Variants in NCOR2 observed in about 807,000 individuals in gnomAD.
NCOR2 encodes the protein nuclear receptor corepressor 2, also known as CTG repeat protein 26.
A neutral mutation model predicts 262.9 loss-of-function variants in NCOR2; 81 were observed. The ratio of observed to expected loss-of-function variants is 0.31; its 90% CI spans 0.26 to 0.37. The LOEUF is 0.37. Ranked by LOEUF, NCOR2 falls within the 10% of genes least tolerant of loss-of-function variation. NCOR2 has a pLI of 1.00. For synonymous variants in NCOR2, 1,659 were observed against 1,559.3 expected (o/e 1.06, Z -1.51); for missense variants, 3,385 against 3,621.4 (o/e 0.93, Z 1.68).
At position 124,390,478 on chromosome 12, in the gene NCOR2, AC is replaced by A. The variant is rs34149760; in HGVS notation, c.1877-4592del. On this transcript the variant is annotated intron_variant, in intron 16 of 46. Coordinates refer to ENST00000405201, the Ensembl canonical transcript of NCOR2. ...CTTCCTTGCCCGCCCCTCCAAAGTG[AC>A]CCCCCCCCGTCGCCCTGCCATCCCA... Among the ~76,000 whole-genome samples the A allele has an allele frequency of 1.9e-3, 227 of 121,160 alleles. 3 individuals are homozygous for A. Among genetic ancestry groups the A allele is most frequent in the Middle Eastern group, 0.011 (3 of 264 alleles). 79.5% of individuals were successfully genotyped at this position (121,160 alleles called of 152,430 possible). A position where few individuals can be genotyped will look rare whatever the true frequency, so the allele number is the denominator to read the frequency against.
At position 124,531,768 on chromosome 12, in the gene NCOR2, T is replaced by C; in HGVS notation, c.-118+3797A>G. Reference sequence around the variant, plus strand: ...CCCACCGGGCCAGGGCCCTAAAACCTCCCCCTACACACCTTCGGTGTCCCC... The same window carrying C: ...CCCACCGGGCCAGGGCCCTAAAACCCCCCCCTACACACCTTCGGTGTCCCC... On this transcript the variant is annotated intron_variant, in intron 1 of 46. Transcript: ENST00000404621. The surrounding 1 kb of genome is among the most constrained non-coding windows in gnomAD (Gnocchi z 4.5). Among the ~76,000 whole-genome samples the C allele has an allele frequency of 1.6e-5, 2 of 126,020 alleles. No individual in the cohort carries two copies. Among genetic ancestry groups the C allele is most frequent in the African/African-American group, 3.1e-5 (1 of 31,934 alleles). 82.7% of individuals were successfully genotyped at this position (126,020 alleles called of 152,430 possible). A position where few individuals can be genotyped will look rare whatever the true frequency, so the allele number is the denominator to read the frequency against.
Position 124,495,063 on chromosome 12 carries a change from G to T in NCOR2, c.105+84C>A. 6.6e-7 allele frequency: 1 copy of T among 1,520,774 alleles called. No individual in the cohort carries two copies. Among genetic ancestry groups the T allele is most frequent in the Non-Finnish European group, 8.9e-7 (1 of 1,124,900 alleles). The allele number at this position is 1,520,774 out of a possible 1,614,324, so 94.2% of individuals were successfully genotyped here. A position where few individuals can be genotyped will look rare whatever the true frequency, so the allele number is the denominator to read the frequency against. ...CAGAGCCACATGAGCCTGGCTCCCA[G>T]GAGAAAGGAAGGGGTGAAGACTCAG... On this transcript the variant is annotated intron_variant, in intron 1 of 46. Transcript: ENST00000405201. The surrounding 1 kb of genome is among the most constrained non-coding windows in gnomAD (Gnocchi z 4.4).
chr12:124,512,898 G>A (rs1364615906), intron 1 of NCOR2, among the ~76,000 whole-genome samples: 1 of 152,236 alleles, frequency 6.6e-6, no homozygotes, highest in Non-Finnish European at 1.5e-5. Context: ...CCACTCCACA[G>A]GCCAAGAAGC....
intron 1 of NCOR2, among the ~76,000 whole-genome samples, chr12:124,516,709 G>A (rs994721312): frequency 1.3e-4 from 19 of 149,532 alleles, no homozygotes; most frequent in African/African-American, 4.5e-4. Flanking sequence ...CACCATCCTT[G>A]AGGGGTCGAG....
chr12:124,363,142 G>T (rs766964311), intron 21 of NCOR2, among the ~76,000 whole-genome samples: 1 of 152,230 alleles, frequency 6.6e-6, no homozygotes, highest in Non-Finnish European at 1.5e-5. Flanking sequence ...AGCCTGACAC[G>T]CCCTGAGCCC....
chr12:124,496,492 G>A (rs962772597), upstream of NCOR2, among the ~76,000 whole-genome samples: 3 of 152,110 alleles, frequency 2.0e-5, no homozygotes, highest in East Asian at 1.9e-4. The surrounding 1 kb of genome is among the most constrained non-coding windows in gnomAD (Gnocchi z 4.4). Context: ...CTCCAGTGGC[G>A]GAGGACTGAG....
At chr12:124,333,994 G>A (rs552070513) in intron 41 of NCOR2, among the ~76,000 whole-genome samples, 2 of 148,666 alleles carry the variant, frequency 1.3e-5, no homozygotes, top group East Asian at 3.9e-4. Flanking sequence ...GTGTGCATGT[G>A]TGTGTGTGCG....
intron 1 of NCOR2, among the ~76,000 whole-genome samples, chr12:124,491,131 T>C (rs532792460): frequency 2.9e-4 from 44 of 151,620 alleles, no homozygotes; most frequent in African/African-American, 9.5e-4. Context: ...CGAAGGGCGG[T>C]TGCATGGCCT....
chr12:124,325,379 C>G (rs924847373), exon 47 of NCOR2: 6 of 317,186 alleles, frequency 1.9e-5, no homozygotes, highest in Non-Finnish European at 3.1e-5. Context: ...CTGACACCGC[C>G]CCCCCCCCCG....
chr12:124,557,802 T>G (rs1849920507), intron 1 of NCOR2, among the ~76,000 whole-genome samples: 1 of 152,138 alleles, frequency 6.6e-6, no homozygotes, highest in African/African-American at 2.4e-5. Flanking sequence ...TACCCAGCAG[T>G]GGGCATCACC....
At chr12:124,455,508 T>C (rs150049062) in intron 6 of NCOR2, among the ~76,000 whole-genome samples, 4 of 152,382 alleles carry the variant, frequency 2.6e-5, no homozygotes, top group Admixed American at 6.5e-5. Flanking sequence ...TCCCTGCTTC[T>C]GCCTTCTGAG....
intron 1 of NCOR2, among the ~76,000 whole-genome samples, chr12:124,553,057 G>A (rs1434921909): frequency 6.6e-6 from 1 of 152,196 alleles, no homozygotes; most frequent in Non-Finnish European, 1.5e-5. Context: ...TAAATTCAAG[G>A]TGTCGGTAGG....
chr12:124,470,329 A>G (rs1442166222), intron 4 of NCOR2, among the ~76,000 whole-genome samples: 1 of 152,236 alleles, frequency 6.6e-6, no homozygotes, highest in Non-Finnish European at 1.5e-5. Context: ...ACTGTACGAC[A>G]CGACCCAGCA....
At chr12:124,449,955 G>T in intron 6 of NCOR2, 88 bp from the exon 9 acceptor site, 1 of 1,385,378 alleles carries the variant, frequency 7.2e-7, no homozygotes, top group Non-Finnish European at 1.0e-6. Context: ...GCCCTGGCAC[G>T]GAGGAGCTGT....
chr12:124,371,954 A>G (rs2039556892), intron 20 of NCOR2, 68 bp downstream of exon 22: 1 of 1,452,456 alleles, frequency 6.9e-7, no homozygotes, highest in Non-Finnish European at 9.2e-7. Context: ...GCGGCTGTCT[A>G]AGTAGGTAGT....
intron 8 of NCOR2, among the ~76,000 whole-genome samples, chr12:124,436,425 G>A (rs1265558064): frequency 6.6e-6 from 1 of 152,186 alleles, no homozygotes; most frequent in South Asian, 2.1e-4. Context: ...CCCAGCCCTT[G>A]CCGCGTCTCT....
At chr12:124,438,078 G>A (rs939357338) in intron 7 of NCOR2, 82 bp from the exon 10 acceptor site, 14 of 1,390,694 alleles carry the variant, frequency 1.0e-5, no homozygotes, top group East Asian at 9.9e-5. Flanking sequence ...TGCTGAGAGT[G>A]AGCCCCAAAT....
At chr12:124,417,054 G>A (rs957644926) in intron 13 of NCOR2, among the ~76,000 whole-genome samples, 7 of 150,396 alleles carry the variant, frequency 4.7e-5, no homozygotes, top group Non-Finnish European at 8.8e-5. Flanking sequence ...AGAGCAAGCC[G>A]GACACTCACT....
chr12:124,406,075 A>T (rs759948494), intron 13 of NCOR2, among the ~76,000 whole-genome samples: 3 of 152,254 alleles, frequency 2.0e-5, no homozygotes, highest in Non-Finnish European at 4.4e-5. Flanking sequence ...ATGGGCAGCC[A>T]GATTTGAGAA....
Sources: allele counts gnomAD v4.1 joint callset (sites outside exome capture counted in the v4.1 genomes callset), GRCh38; gene constraint gnomAD v4.1.1; non-coding constraint Gnocchi (gnomAD v3.1); transcripts MANE v1.5; gene names NCBI Gene and HGNC (gene_info 2026-07-23, HGNC 2026-07-21).